Variants in PREX2 observed in about 807,000 individuals in gnomAD.
PREX2 encodes the protein phosphatidylinositol-3,4,5-trisphosphate dependent Rac exchange factor 2, also known as phosphatidylinositol 3,4,5-trisphosphate-dependent Rac exchanger 2 protein.
PREX2 carries 107 observed loss-of-function variants against 203.2 expected under a neutral mutation model. The observed-to-expected ratio is 0.53, with a 90% CI of 0.45 to 0.62. The LOEUF (loss-of-function observed/expected upper bound fraction) is 0.62. PREX2 is among the 20% of genes least tolerant of loss of function. PREX2 has a pLI of 0.00. For synonymous variants in PREX2, 672 were observed against 663.6 expected (o/e 1.01, Z -0.19); for missense variants, 1,777 against 1,955.9 (o/e 0.91, Z 1.72).
At chr8:68,096,894 A>T in intron 21 of PREX2, 123 bp from the exon 22 acceptor site, 1 of 747,534 alleles carries the variant, frequency 1.3e-6, no homozygotes, top group African/African-American at 1.8e-5. Flanking sequence ...GCTTCATTTA[A>T]CACATCAGAT....
At chr8:68,156,373 C>T (rs552132571) in intron 34 of PREX2, among the ~76,000 whole-genome samples, 13 of 152,278 alleles carry the variant, frequency 8.5e-5, no homozygotes, top group Middle Eastern at 3.4e-3. Flanking sequence ...CTCTGACATA[C>T]GTTAATGCAC....
chr8:67,987,230 T>C (rs986691794), intron 1 of PREX2, among the ~76,000 whole-genome samples: 3 of 151,534 alleles, frequency 2.0e-5, no homozygotes, highest in Non-Finnish European at 4.4e-5. Flanking sequence ...TTTCAAGTCA[T>C]TGTTTTCATT....
chr8:68,053,170 T>G lies in PREX2; in HGVS notation c.1017T>G (p.Phe339Leu). Residue 339 changes from phenylalanine to leucine, a missense_variant, in exon 9 of 40, where the codon TTT becomes TTG. Transcript: ENST00000288368. Reference sequence around the variant, plus strand: ...ATAACACAGCAAAAAATAAATGGTTTGTTTGTATGGCAAAAACACCTGAAG... The same window carrying G: ...ATAACACAGCAAAAAATAAATGGTTGGTTTGTATGGCAAAAACACCTGAAG... The part of the protein sequence containing the change: ...KIHNTAKNKW[F>L]VCMAKTPEEK... 6.2e-7 allele frequency: 1 copy of G among 1,613,818 alleles called. No individual in the cohort carries two copies. The highest frequency in any genetic ancestry group is 8.5e-7 in the Non-Finnish European group (1 of 1,179,786).
chr8:68,105,521 G>A (rs1028841528), intron 23 of PREX2: 26 of 1,153,618 alleles, frequency 2.3e-5, no homozygotes, highest in African/African-American at 3.2e-5. Context: ...AGCTCTCCCC[G>A]ATTACTCCAT....
intron 25 of PREX2, among the ~76,000 whole-genome samples, chr8:68,110,574 T>C (rs1452225197): frequency 2.0e-5 from 3 of 152,204 alleles, no homozygotes; most frequent in Non-Finnish European, 4.4e-5. Context: ...CGTGAAGTTG[T>C]TGATTTAAAT....
At chr8:68,156,489 C>T (rs74834035) in intron 34 of PREX2, among the ~76,000 whole-genome samples, 2,590 of 152,304 alleles carry the variant, frequency 0.017, 31 homozygotes, top group Non-Finnish European at 0.026. Flanking sequence ...AGTTTAGCTT[C>T]ACAAAGAATG....
chr8:68,153,847 A>T (rs1433162258), intron 34 of PREX2, among the ~76,000 whole-genome samples: 1 of 152,238 alleles, frequency 6.6e-6, no homozygotes, highest in Admixed American at 6.5e-5. Context: ...TTTTTAAAAA[A>T]TGTTATGTGA....
intron 6 of PREX2, among the ~76,000 whole-genome samples, chr8:68,037,608 G>T (rs149853719): frequency 3.9e-5 from 6 of 152,226 alleles, no homozygotes; most frequent in East Asian, 3.9e-4. Context: ...TAATTAGCTA[G>T]AGTGCCTTTG....
chr8:68,054,431 T>G (rs972159807), intron 9 of PREX2, among the ~76,000 whole-genome samples: 13 of 152,116 alleles, frequency 8.5e-5, no homozygotes, highest in Non-Finnish European at 1.9e-4. Context: ...GCTTATGATC[T>G]TTATCTTTAT....
At chr8:68,061,471 T>C (rs1202137870) in intron 11 of PREX2, among the ~76,000 whole-genome samples, 2 of 152,202 alleles carry the variant, frequency 1.3e-5, no homozygotes, top group Non-Finnish European at 2.9e-5. Flanking sequence ...CTGCGAGCAC[T>C]AGGCCCCTCA....
intron 30 of PREX2, among the ~76,000 whole-genome samples, chr8:68,124,031 A>G (rs1021281715): frequency 2.0e-5 from 3 of 152,138 alleles, no homozygotes; most frequent in Non-Finnish European, 2.9e-5. Flanking sequence ...AATCCTGGCA[A>G]ACCAAATCCA....
chr8:68,024,397 AT>A (rs2129610342), intron 4 of PREX2, among the ~76,000 whole-genome samples: 1 of 152,010 alleles, frequency 6.6e-6, no homozygotes, highest in Admixed American at 6.5e-5. Context: ...TTAGATTCAT[AT>A]TTCTGTTTAT....
chr8:67,952,568 CG>C (rs780524428), intron 1 of PREX2, 33 bp downstream of exon 1: 1 of 1,593,446 alleles, frequency 6.3e-7, no homozygotes, highest in Non-Finnish European at 8.5e-7. Context: ...GGGGGACGTC[CG>C]GGCGGCGCGG....
chr8:68,161,597 C>G (rs1811654854), intron 35 of PREX2, among the ~76,000 whole-genome samples: 1 of 152,118 alleles, frequency 6.6e-6, no homozygotes, highest in Non-Finnish European at 1.5e-5. Flanking sequence ...AAACCTTCTA[C>G]AGCTTGCTTA....
rs1419708340 is a variant in PREX2, at chr8:68,098,944, A to G, written c.2554-738A>G. ...AAATGCTACATATATATGTGTATAT[A>G]TATATATATATATATATATATATAT... On this transcript the variant is annotated intron_variant, in intron 22 of 39. Coordinates refer to ENST00000288368, the MANE Select transcript of PREX2 (RefSeq NM_024870.4). 8.5e-3 allele frequency among the ~76,000 whole-genome samples: 592 copies of G among 69,786 alleles called. 2 individuals carry two copies. The highest frequency in any genetic ancestry group is 0.023 in the African/African-American group (537 of 23,772). The allele number at this position is 69,786 out of a possible 152,430, so 45.8% of individuals were successfully genotyped here.
chr8:68,087,760 C>T lies in PREX2; in HGVS notation c.2064C>T (p.Gly688=), dbSNP rs779882069. 7.4e-6 allele frequency: 12 copies of T among 1,613,712 alleles called. No individual in the cohort carries two copies. The highest frequency in any genetic ancestry group is 1.1e-5 in the South Asian group (1 of 91,068). ...TTCCAGATTCAGCTGATGGACTTGGCTTCCAGATCCGGGGATTTGGCCCTT... is the reference window on the plus strand; with the variant it reads ...TTCCAGATTCAGCTGATGGACTTGGTTTCCAGATCCGGGGATTTGGCCCTT... ...VKIPDSADGL[G]FQIRGFGPSV... Residue 688 remains glycine (G), a synonymous_variant, in exon 19 of 40, where the codon GGC becomes GGT. Transcript: ENST00000288368.
chr8:68,164,343 A>G (rs1309023522), intron 35 of PREX2, among the ~76,000 whole-genome samples: 3 of 117,032 alleles, frequency 2.6e-5, no homozygotes, highest in Non-Finnish European at 5.4e-5. Context: ...AAAGGCCTTA[A>G]TATGTATTAT....
At chr8:68,179,464 T>C (rs945713576) in intron 35 of PREX2, among the ~76,000 whole-genome samples, 2 of 152,110 alleles carry the variant, frequency 1.3e-5, no homozygotes, top group Non-Finnish European at 1.5e-5. Flanking sequence ...GCAAGTTTGC[T>C]TTACGCCCAG....
Position 67,952,467 on chromosome 8 carries a change from G to T in PREX2, c.73G>T (p.Val25Leu). The change falls in exon 1 of 40, where the codon GTG (valine) becomes TTG (leucine). Residue 25 changes from valine (V) to leucine (L), a missense_variant. Physicochemically the swap from Val to Leu is conservative, Grantham distance 32. Transcript: ENST00000288368. ...KDLEKQLRLR[V>L]CVLSELQKTE... ...CCTGGAGAAGCAGCTTCGCCTGCGC[G>T]TGTGCGTGCTCAGCGAGCTCCAGAA... 1.2e-6 allele frequency: 2 copies of T among 1,603,522 alleles called. No homozygotes were observed. The highest frequency in any genetic ancestry group is 1.7e-6 in the Non-Finnish European group (2 of 1,175,384).
Sources: gnomAD v4.1 joint callset for allele counts (sites outside exome capture counted in the v4.1 genomes callset) on GRCh38, gnomAD v4.1.1 for gene constraint, MANE v1.5 for transcripts, NCBI Gene and HGNC (gene_info 2026-07-23, HGNC 2026-07-21) for gene names.